Variants in CLCNKB observed in about 807,000 individuals in gnomAD.
The protein encoded by CLCNKB is chloride channel protein ClC-Kb.
CLCNKB carries 74 observed loss-of-function variants against 83.8 expected under a neutral mutation model. The observed-to-expected ratio is 0.88, with a 90% CI of 0.73 to 1.07. The LOEUF (loss-of-function observed/expected upper bound fraction) is 1.07, where lower values mean the gene tolerates loss of function less well. Ranked by LOEUF, CLCNKB falls within the 50% of genes least tolerant of loss-of-function variation. The pLI is 0.00. For missense variants in CLCNKB, 798 were observed against 893.6 expected, an observed-to-expected ratio of 0.89 and a Z score of 1.36; for synonymous variants, 358 against 356.6, an observed-to-expected ratio of 1.00 and a Z score of -0.04.
chr1:16,049,948 C>A, intron 10 of CLCNKB, 32 bp downstream of exon 10: 1 of 1,222,566 alleles, frequency 8.2e-7, no homozygotes, highest in Non-Finnish European at 1.1e-6. Flanking sequence ...GGGGACCTCT[C>A]AGCGAGCTCC....
chr1:16,047,893 A>AC lies in CLCNKB; in HGVS notation c.359-7dup. On this transcript the variant is annotated splice_polypyrimidine_tract_variant and intron_variant, in intron 4 of 19. Coordinates refer to ENST00000375679, the MANE Select transcript of CLCNKB (RefSeq NM_000085.5). ...GATTGTCCCCCTCCTGGCCCTGCCCACCCCCGCCAAGGTTCTGGAATCCCG... is the reference window on the plus strand; with the variant it reads ...GATTGTCCCCCTCCTGGCCCTGCCCACCCCCCGCCAAGGTTCTGGAATCCCG... 1 of 1,612,980 alleles carries AC rather than the reference A, an allele frequency of 6.2e-7. No individual in the cohort carries two copies. Among genetic ancestry groups the AC allele is most frequent in the Non-Finnish European group, 8.5e-7 (1 of 1,179,894 alleles).
At chr1:16,047,868 G>T (rs769749432) in intron 4 of CLCNKB, 37 bp from the exon 5 acceptor site, 38 of 1,610,356 alleles carry the variant, frequency 2.4e-5, no homozygotes, top group Non-Finnish European at 3.2e-5. Flanking sequence ...TTAACCTAGA[G>T]ATTGTCCCCC....
Position 16,053,755 on chromosome 1 carries a change from C to T in CLCNKB, c.1739C>T (p.Pro580Leu). 1 of 1,613,806 alleles carries T rather than the reference C, an allele frequency of 6.2e-7. No individual in the cohort carries two copies. Reference protein sequence around the residue: ...VVTSTDVAKYPLVESTESQIL... With the variant: ...VVTSTDVAKYLLVESTESQIL... ...ACCTCCACAGACGTGGCCAAGTATC[C>T]CCTGGTGGAGAGCACAGGTGCCCAG... The change falls in exon 16 of 20, where the codon CCC (proline) becomes CTC (leucine). Residue 580 changes from proline (P) to leucine (L), a missense_variant. Coordinates refer to ENST00000375679, the MANE Select transcript of CLCNKB (RefSeq NM_000085.5).
rs78040646 is a variant in CLCNKB, at chr1:16,047,673, G to A, written c.359-232G>A. Among the ~76,000 whole-genome samples, 4,298 of 152,156 alleles carry A rather than the reference G, an allele frequency of 0.028. 232 individuals carry two copies. Among genetic ancestry groups the A allele is most frequent in the African/African-American group, 0.098 (4,044 of 41,472 alleles). On this transcript the variant is annotated intron_variant, in intron 4 of 19. Transcript: ENST00000375679. ...AGTCCCAGCTATTCAGGAGGCTGAC[G>A]CAGGAGGATAACTTGAGCCCTGGCA...
At position 16,045,760 on chromosome 1, in the gene CLCNKB, C is replaced by T. The variant is rs187479433; in HGVS notation, c.229+74C>T. 62 of 1,288,034 alleles carry T rather than the reference C, an allele frequency of 4.8e-5. No individual in the cohort carries two copies. The East Asian group carries it at 1.7e-3, about 34-fold the overall frequency. The allele number at this position is 1,288,034 out of a possible 1,614,324, so 79.8% of individuals were successfully genotyped here. A position where few individuals can be genotyped will look rare whatever the true frequency, so the allele number is the denominator to read the frequency against. On this transcript the variant is annotated intron_variant, in intron 3 of 19. Coordinates refer to ENST00000375679, the MANE Select transcript of CLCNKB (RefSeq NM_000085.5). Reference sequence around the variant, plus strand: ...CTCTCTGGGGATGCCAGGTGGATGTCGCCAGGTGCAGCGGAGGTTGGGGGG... The same window carrying T: ...CTCTCTGGGGATGCCAGGTGGATGTTGCCAGGTGCAGCGGAGGTTGGGGGG...
rs2023045462 is a variant in CLCNKB, at chr1:16,044,675, C to A, written c.100+83C>A. 6 of 1,139,186 alleles carry A rather than the reference C, an allele frequency of 5.3e-6. No individual in the cohort carries two copies. The South Asian group carries it at 6.7e-5, about 13-fold the overall frequency. The allele number at this position is 1,139,186 out of a possible 1,614,324, so 70.6% of individuals were successfully genotyped here. A position where few individuals can be genotyped will look rare whatever the true frequency, so the allele number is the denominator to read the frequency against. The stretch of plus-strand genomic sequence containing the variant: ...CCCAGCTCCCACCCCACCTCCCTGC[C>A]CAGGAACCACCCTCCTCCTGGCATT... On this transcript the variant is annotated intron_variant, in intron 2 of 19. Coordinates refer to ENST00000375679, the MANE Select transcript of CLCNKB (RefSeq NM_000085.5).
intron 18 of CLCNKB, 146 bp from the exon 19 acceptor site, chr1:16,056,276 A>C: frequency 2.3e-6 from 2 of 868,324 alleles, no homozygotes; most frequent in South Asian, 2.7e-5. Context: ...CCCAGTGGCC[A>C]CATTGGACAT....
chr1:16,044,911 C>A (rs1338305703), intron 2 of CLCNKB, among the ~76,000 whole-genome samples: 1 of 152,222 alleles, frequency 6.6e-6, no homozygotes, highest in Admixed American at 6.5e-5. Flanking sequence ...GCTGCTGGGA[C>A]AGCTGGGGCC....
rs529305000 is a variant in CLCNKB, at chr1:16,045,787, G to C, written c.229+101G>C. Reference sequence around the variant, plus strand: ...CCAGGTGCAGCGGAGGTTGGGGGGGGTGCTCTGGGTGGGGATCTGGTCCTG... The same window carrying C: ...CCAGGTGCAGCGGAGGTTGGGGGGGCTGCTCTGGGTGGGGATCTGGTCCTG... On this transcript the variant is annotated intron_variant, in intron 3 of 19. Coordinates refer to ENST00000375679, the MANE Select transcript of CLCNKB (RefSeq NM_000085.5). 41 of 938,810 alleles carry C rather than the reference G, an allele frequency of 4.4e-5. 2 individuals are homozygous for C. The highest frequency in any genetic ancestry group is 3.0e-4 in the African/African-American group (19 of 64,098). 58.2% of individuals were successfully genotyped at this position (938,810 alleles called of 1,614,324 possible).
In CLCNKB at chr1:16,051,059, T is replaced by C. The variant is rs201479763; in HGVS notation, c.1227+11T>C. The C allele has an allele frequency of 9.5e-4, 1,534 of 1,613,742 alleles. No individual in the cohort carries two copies. The highest frequency in any genetic ancestry group is 1.2e-3 in the Non-Finnish European group (1,449 of 1,179,998). ...TTCCTGGTTATGAAGGTGGGCCCCC[T>C]GGTCCCCAGGTGTGCACAGAGCTGG... On this transcript the variant is annotated intron_variant, in intron 12 of 19. Transcript: ENST00000375679.
chr1:16,055,482 G>A lies in CLCNKB; in HGVS notation c.1804G>A (p.Ala602Thr), dbSNP rs1158524084. ...GIVRRAQLVQALKAEPPSWAP... is the reference protein window; with the variant it reads ...GIVRRAQLVQTLKAEPPSWAP... ...AGTGCGAAGGGCCCAGCTGGTGCAG[G>A]CCCTGAAGGCTGAGCCTCCTTCCTG... The change falls in exon 17 of 20, where the codon GCC becomes ACC. Residue 602 changes from alanine to threonine, a missense_variant. Coordinates refer to ENST00000375679, the MANE Select transcript of CLCNKB (RefSeq NM_000085.5). The A allele has an allele frequency of 6.2e-7, 1 of 1,611,028 alleles. No individual in the cohort carries two copies. Among genetic ancestry groups the A allele is most frequent in the South Asian group, 1.1e-5 (1 of 91,020 alleles).
chr1:16,048,733 C>A (rs1570333293), intron 7 of CLCNKB, 151 bp downstream of exon 7: 3 of 1,478,138 alleles, frequency 2.0e-6, no homozygotes, highest in Non-Finnish European at 2.7e-6. Context: ...CACCGCCCCC[C>A]ACCGGGGGGA....
intron 2 of CLCNKB, among the ~76,000 whole-genome samples, chr1:16,044,953 C>T (rs1255349673): frequency 6.6e-6 from 1 of 152,206 alleles, no homozygotes; most frequent in African/African-American, 2.4e-5. Flanking sequence ...CTACACTTGG[C>T]ACCTTTCCTT....
At chr1:16,052,930 G>A (rs1360190822) in intron 15 of CLCNKB, among the ~76,000 whole-genome samples, 4 of 152,188 alleles carry the variant, frequency 2.6e-5, no homozygotes, top group South Asian at 2.1e-4. Context: ...GAAAACACAA[G>A]CAAGCTGCTG....
rs2023289613 is a variant in CLCNKB at position 16,051,491 on chromosome 1, T to C, written c.1241T>C (p.Ile414Thr). Residue 414 changes from isoleucine (I) to threonine (T), a missense_variant, in exon 13 of 20, where the codon ATT becomes ACT. Transcript: ENST00000375679. ...CCACTCCCACAGTTCTGGATGCTGA[T>C]TCTGGCCACCACCATCCCCATGCCT... ...FFLVMKFWML[I>T]LATTIPMPAG... The C allele has an allele frequency of 6.2e-7, 1 of 1,614,028 alleles. No individual in the cohort carries two copies. Among genetic ancestry groups the C allele is most frequent in the African/African-American group, 1.3e-5 (1 of 74,908 alleles).
rs1353465061 is a variant in CLCNKB at position 16,044,634 on chromosome 1, C to T, written c.100+42C>T. 3 of 1,499,540 alleles carry T rather than the reference C, an allele frequency of 2.0e-6. No individual in the cohort carries two copies. The East Asian group carries it at 7.1e-5, about 36-fold the overall frequency. The allele number at this position is 1,499,540 out of a possible 1,614,324, so 92.9% of individuals were successfully genotyped here. A position where few individuals can be genotyped will look rare whatever the true frequency, so the allele number is the denominator to read the frequency against. On this transcript the variant is annotated intron_variant, in intron 2 of 19. Transcript: ENST00000375679. Reference sequence around the variant, plus strand: ...CTTCCCTTCCCCCTGGAGGACCACTCAGGACATCATTCCTGCCCAGCTCCC... The same window carrying T: ...CTTCCCTTCCCCCTGGAGGACCACTTAGGACATCATTCCTGCCCAGCTCCC...
At chr1:16,051,153 A>C (rs1186331358) in intron 12 of CLCNKB, 105 bp downstream of exon 12, 2 of 1,541,948 alleles carry the variant, frequency 1.3e-6, no homozygotes, top group African/African-American at 2.7e-5. Context: ...CCTTCCACCC[A>C]CATTTCCTGA....
chr1:16,055,209 G>A (rs879486152), intron 16 of CLCNKB, among the ~76,000 whole-genome samples: 1 of 152,152 alleles, frequency 6.6e-6, no homozygotes, highest in African/African-American at 2.4e-5. Context: ...CTCCCTGGCA[G>A]CCTCACTCAG....
chr1:16,051,072 T>C, intron 12 of CLCNKB, 24 bp downstream of exon 12: 1 of 1,613,412 alleles, frequency 6.2e-7, no homozygotes, highest in Non-Finnish European at 8.5e-7. Flanking sequence ...TCCCCAGGTG[T>C]GCACAGAGCT....
Sources: allele counts gnomAD v4.1 joint callset (sites outside exome capture counted in the v4.1 genomes callset), GRCh38; gene constraint gnomAD v4.1.1; transcripts MANE v1.5; gene names NCBI Gene and HGNC (gene_info 2026-07-23, HGNC 2026-07-21).